The following MTCL2 variants were observed in gnomAD, a reference collection of about 807,000 sequenced individuals.
MTCL2 encodes the protein microtubule cross-linking factor 2.
chr20:36,843,785 G>A, the MTCL2 span, among the ~76,000 whole-genome samples: 1 of 152,156 alleles, frequency 6.6e-6, no homozygotes, highest in Non-Finnish European at 1.5e-5. Context: ...TGAACCAAGG[G>A]GAAATGCACA....
the MTCL2 span, chr20:36,859,852 C>G: frequency 8.1e-6 from 10 of 1,231,526 alleles, no homozygotes; most frequent in African/African-American, 1.2e-4. Context: ...GCAAAGTAGT[C>G]CAGAAAGGCA....
At chr20:36,826,808 CGGGTGT>C in the MTCL2 span, among the ~76,000 whole-genome samples, 2 of 152,094 alleles carry the variant, frequency 1.3e-5, no homozygotes, top group African/African-American at 4.8e-5. Context: ...GCTATGAACA[CGGGTGT>C]GTAAATATCT....
chr20:36,808,164 C>T, the MTCL2 span, among the ~76,000 whole-genome samples: 52 of 151,142 alleles, frequency 3.4e-4, no homozygotes, highest in Admixed American at 3.1e-3. Flanking sequence ...TGTGAGCCAC[C>T]GCACCCGGCC....
chr20:36,786,681 G>A, the MTCL2 span: 1 of 1,511,140 alleles, frequency 6.6e-7, no homozygotes, highest in South Asian at 1.2e-5. Context: ...AGAGGAGCCA[G>A]GAGACATGGA....
the MTCL2 span, chr20:36,786,600 G>A: frequency 6.4e-7 from 1 of 1,551,018 alleles, no homozygotes; most frequent in Non-Finnish European, 8.7e-7. Context: ...GGCGAAGCAG[G>A]AGGTGAGAGA....
chr20:36,810,144 G>A, the MTCL2 span: 2 of 1,557,348 alleles, frequency 1.3e-6, no homozygotes, highest in Non-Finnish European at 1.7e-6. Context: ...AATGAGGAGG[G>A]AGAGAGAGGA....
chr20:36,856,927 G>GTCCC, the MTCL2 span, among the ~76,000 whole-genome samples: 10 of 152,216 alleles, frequency 6.6e-5, no homozygotes, highest in Non-Finnish European at 1.3e-4. Flanking sequence ...GTGGGCAAAT[G>GTCCC]CTACATGCCT....
chr20:36,837,663 C>T, the MTCL2 span, among the ~76,000 whole-genome samples: 4 of 151,512 alleles, frequency 2.6e-5, no homozygotes, highest in South Asian at 2.1e-4. Flanking sequence ...CTGCAACCTC[C>T]GCCTCCCGGG....
At chr20:36,808,862 CG>C in the MTCL2 span, 1 of 842,834 alleles carries the variant, frequency 1.2e-6, no homozygotes, top group Non-Finnish European at 1.8e-6. Context: ...TGATCCCTGC[CG>C]GGGATCCCAC....
the MTCL2 span, among the ~76,000 whole-genome samples, chr20:36,803,825 G>A: frequency 6.6e-6 from 1 of 151,904 alleles, no homozygotes; most frequent in Non-Finnish European, 1.5e-5. Flanking sequence ...GCATGGTGGT[G>A]TGCCATCTAT....
chr20:36,851,808 C>G, the MTCL2 span, among the ~76,000 whole-genome samples: 1 of 152,194 alleles, frequency 6.6e-6, no homozygotes, highest in Non-Finnish European at 1.5e-5. Context: ...GTGCCTGGGA[C>G]ACACAGAACA....
At chr20:36,829,293 C>T in the MTCL2 span, 10 of 1,390,848 alleles carry the variant, frequency 7.2e-6, no homozygotes, top group Non-Finnish European at 8.6e-6. Context: ...ACCCGACTTT[C>T]ACAGCAGGGC....
the MTCL2 span, chr20:36,808,841 G>T: frequency 9.6e-7 from 1 of 1,040,742 alleles, no homozygotes; most frequent in Non-Finnish European, 1.4e-6. Context: ...AGTCTGGGTG[G>T]TGCCTGTGAG....
At chr20:36,845,230 C>T in the MTCL2 span, among the ~76,000 whole-genome samples, 3 of 152,178 alleles carry the variant, frequency 2.0e-5, no homozygotes, top group Non-Finnish European at 4.4e-5. Flanking sequence ...TGATGAAGGG[C>T]GTTTCCTTCT....
chr20:36,848,253 C>CT, the MTCL2 span, among the ~76,000 whole-genome samples: 1 of 152,220 alleles, frequency 6.6e-6, no homozygotes, highest in Non-Finnish European at 1.5e-5. Context: ...AGGGAACCTC[C>CT]TGCTCACCCA....
At chr20:36,794,197 C>T in the MTCL2 span, 1 of 1,547,452 alleles carries the variant, frequency 6.5e-7, no homozygotes, top group Non-Finnish European at 8.7e-7. This position sits in a 1 kb window ranked among gnomAD's most constrained non-coding sequence, Gnocchi z 5.4. Context: ...TCTCAGCCAG[C>T]CCATCAGCCT....
chr20:36,810,098 G>A, the MTCL2 span: 9 of 1,596,264 alleles, frequency 5.6e-6, no homozygotes, highest in East Asian at 2.0e-4. Flanking sequence ...ACCAGCTGCA[G>A]CTCCTTGATC....
At chr20:36,853,991 C>T in the MTCL2 span, among the ~76,000 whole-genome samples, 1 of 152,128 alleles carries the variant, frequency 6.6e-6, no homozygotes, top group African/African-American at 2.4e-5. Flanking sequence ...TGGGTTGCAG[C>T]GAAATCTCAA....
At chr20:36,783,700 G>A in the MTCL2 span, 10 of 928,254 alleles carry the variant, frequency 1.1e-5, no homozygotes, top group South Asian at 4.5e-4. Flanking sequence ...TCCCCACTGT[G>A]GGTCAGGCAG....
Sources: allele counts gnomAD v4.1 joint callset (sites outside exome capture counted in the v4.1 genomes callset), GRCh38; gene constraint gnomAD v4.1.1; non-coding constraint Gnocchi (gnomAD v3.1); transcripts MANE v1.5; gene names NCBI Gene and HGNC (gene_info 2026-07-23, HGNC 2026-07-21).